MTCL3: variants seen among roughly 807,000 people sequenced by gnomAD.
The protein encoded by MTCL3 is MTCL family member 3.
At chr6:127,499,229 C>G in the MTCL3 span, among the ~76,000 whole-genome samples, 1 of 152,088 alleles carries the variant, frequency 6.6e-6, no homozygotes, top group Non-Finnish European at 1.5e-5. Context: ...AAGATGGCCT[C>G]TATGAACTAA....
the MTCL3 span, among the ~76,000 whole-genome samples, chr6:127,474,514 G>A: frequency 2.0e-5 from 3 of 152,032 alleles, no homozygotes; most frequent in East Asian, 1.9e-4. Flanking sequence ...CTGACCTCCT[G>A]CCCTCTTTGG....
At chr6:127,486,326 C>G in the MTCL3 span, among the ~76,000 whole-genome samples, 6 of 152,274 alleles carry the variant, frequency 3.9e-5, no homozygotes, top group Admixed American at 3.3e-4. Context: ...ATCACATTTG[C>G]ATTTTCAATA....
the MTCL3 span, among the ~76,000 whole-genome samples, chr6:127,494,337 T>C: frequency 3.3e-5 from 5 of 152,064 alleles, no homozygotes; most frequent in Admixed American, 2.0e-4. Context: ...CTAGAAAATA[T>C]AAGAGAGCTT....
chr6:127,516,004 T>C, the MTCL3 span: 3 of 1,595,952 alleles, frequency 1.9e-6, no homozygotes, highest in African/African-American at 4.0e-5. Context: ...GCCCCTCTGC[T>C]GAGCGCGTAC....
the MTCL3 span, among the ~76,000 whole-genome samples, chr6:127,495,390 A>C: frequency 6.6e-6 from 1 of 152,156 alleles, no homozygotes; most frequent in Admixed American, 6.5e-5. Context: ...AGAGTTCCTT[A>C]AGGCCTTTGT....
chr6:127,475,317 G>A, the MTCL3 span: 10 of 1,610,218 alleles, frequency 6.2e-6, no homozygotes, highest in Admixed American at 1.7e-4. This position sits in a 1 kb window ranked among gnomAD's most constrained non-coding sequence, Gnocchi z 7.3. Context: ...TGGGCTCCTC[G>A]GCGCCGCGGT....
chr6:127,487,998 C>G, the MTCL3 span, among the ~76,000 whole-genome samples: 1 of 152,136 alleles, frequency 6.6e-6, no homozygotes. Context: ...TGTCAACTAC[C>G]AGCCCACTCT....
chr6:127,480,254 C>T, the MTCL3 span, among the ~76,000 whole-genome samples: 1 of 152,246 alleles, frequency 6.6e-6, no homozygotes, highest in East Asian at 1.9e-4. Context: ...TATTATGATT[C>T]CCATTTTATA....
chr6:127,474,454 T>G, the MTCL3 span, among the ~76,000 whole-genome samples: 5 of 151,790 alleles, frequency 3.3e-5, no homozygotes, highest in African/African-American at 1.2e-4. Context: ...AATTTTTGTA[T>G]TTTTAGTATA....
the MTCL3 span, among the ~76,000 whole-genome samples, chr6:127,492,862 A>G: frequency 6.6e-6 from 1 of 152,182 alleles, no homozygotes; most frequent in East Asian, 1.9e-4. Flanking sequence ...TAAATAAATT[A>G]TTTTTAAAGT....
chr6:127,491,919 G>A, the MTCL3 span, among the ~76,000 whole-genome samples: 332 of 148,462 alleles, frequency 2.2e-3, 1 homozygote, highest in Admixed American at 3.8e-3. Context: ...CTCTACTTCC[G>A]TACCTCTTCT....
At chr6:127,475,752 G>T in the MTCL3 span, 1 of 1,602,560 alleles carries the variant, frequency 6.2e-7, no homozygotes, top group Non-Finnish European at 8.5e-7. This position sits in a 1 kb window ranked among gnomAD's most constrained non-coding sequence, Gnocchi z 7.3. Flanking sequence ...TCTCCTTCTT[G>T]CCCGCGTCGC....
chr6:127,499,784 T>G, the MTCL3 span, among the ~76,000 whole-genome samples: 1 of 152,188 alleles, frequency 6.6e-6, no homozygotes, highest in Non-Finnish European at 1.5e-5. Flanking sequence ...GACTCCTCCT[T>G]GGGTTTGGCC....
chr6:127,478,263 A>G, the MTCL3 span, among the ~76,000 whole-genome samples: 1 of 152,228 alleles, frequency 6.6e-6, no homozygotes, highest in East Asian at 1.9e-4. Context: ...AGGATAGAGA[A>G]TGAATAAAGA....
At chr6:127,501,557 T>C in the MTCL3 span, among the ~76,000 whole-genome samples, 1 of 152,186 alleles carries the variant, frequency 6.6e-6, no homozygotes, top group Non-Finnish European at 1.5e-5. Flanking sequence ...AAAGAAAAAA[T>C]TAACAGTTAA....
At chr6:127,506,243 C>T in the MTCL3 span, among the ~76,000 whole-genome samples, 1 of 152,112 alleles carries the variant, frequency 6.6e-6, no homozygotes, top group Non-Finnish European at 1.5e-5. Flanking sequence ...AAAGACCTGT[C>T]AAGTATTTAG....
At chr6:127,509,059 A>G in the MTCL3 span, among the ~76,000 whole-genome samples, 1 of 152,258 alleles carries the variant, frequency 6.6e-6, no homozygotes, top group Non-Finnish European at 1.5e-5. Flanking sequence ...GAAAGATAGA[A>G]TGCCATTTTC....
the MTCL3 span, among the ~76,000 whole-genome samples, chr6:127,504,759 CAT>C: frequency 6.6e-6 from 1 of 152,162 alleles, no homozygotes; most frequent in Admixed American, 6.5e-5. Flanking sequence ...CTCTTGAAAA[CAT>C]AAAGACTTGC....
chr6:127,493,001 T>A, the MTCL3 span, among the ~76,000 whole-genome samples: 1 of 152,198 alleles, frequency 6.6e-6, no homozygotes, highest in African/African-American at 2.4e-5. Flanking sequence ...ATATATGAAG[T>A]GTTTCTTCTA....
Sources: gnomAD v4.1 joint callset for allele counts (sites outside exome capture counted in the v4.1 genomes callset) on GRCh38, gnomAD v4.1.1 for gene constraint, Gnocchi (gnomAD v3.1) non-coding constraint, MANE v1.5 for transcripts, NCBI Gene and HGNC (gene_info 2026-07-23, HGNC 2026-07-21) for gene names.